NOS1AP: variants seen among roughly 807,000 people sequenced by gnomAD.
NOS1AP encodes nitric oxide synthase 1 adaptor protein.
Under a neutral mutation model 56.2 loss-of-function variants are expected in NOS1AP, and 21 were observed. That is an observed-to-expected ratio of 0.37 (90% CI 0.26 to 0.54). The LOEUF (loss-of-function observed/expected upper bound fraction) is 0.54. NOS1AP is among the 20% of genes least tolerant of loss of function. NOS1AP has a pLI of 0.84. For synonymous variants in NOS1AP, 270 were observed against 274.6 expected, an observed-to-expected ratio of 0.98 and a Z score of 0.17; for missense variants, 522 against 657.8, an observed-to-expected ratio of 0.79 and a Z score of 2.26.
chr1:162,133,346 A>C (rs570686374), intron 1 of NOS1AP, among the ~76,000 whole-genome samples: 1 of 152,216 alleles, frequency 6.6e-6, no homozygotes, highest in East Asian at 1.9e-4. Flanking sequence ...TGTCTTATCT[A>C]TTGATTCTTG....
At chr1:162,324,395 G>C (rs553099144) in intron 4 of NOS1AP, among the ~76,000 whole-genome samples, 3 of 136,528 alleles carry the variant, frequency 2.2e-5, no homozygotes, top group African/African-American at 8.1e-5. Flanking sequence ...TTTGTGTAGT[G>C]GTTTTGTGAG....
chr1:162,134,347 G>A (rs1648887256), intron 1 of NOS1AP, among the ~76,000 whole-genome samples: 1 of 151,832 alleles, frequency 6.6e-6, no homozygotes, highest in Non-Finnish European at 1.5e-5. Flanking sequence ...AAAAATTCCA[G>A]GTTTGGAGGT....
At chr1:162,147,808 A>G (rs1649544014) in intron 1 of NOS1AP, among the ~76,000 whole-genome samples, 1 of 152,132 alleles carries the variant, frequency 6.6e-6, no homozygotes, top group Admixed American at 6.5e-5. Context: ...TTCTTTCTAG[A>G]TGTTAATGAA....
intron 2 of NOS1AP, among the ~76,000 whole-genome samples, chr1:162,252,841 T>G (rs566491510): frequency 6.6e-6 from 1 of 152,326 alleles, no homozygotes; most frequent in African/African-American, 2.4e-5. Flanking sequence ...TGGTTGCACT[T>G]GCCCCATTTC....
intron 2 of NOS1AP, among the ~76,000 whole-genome samples, chr1:162,213,708 T>C (rs1652448598): frequency 6.6e-6 from 1 of 152,250 alleles, no homozygotes; most frequent in Non-Finnish European, 1.5e-5. Context: ...TTCCCTGGCA[T>C]GTGCCTGTGC....
At chr1:162,192,099 T>C (rs1287973128) in intron 2 of NOS1AP, among the ~76,000 whole-genome samples, 1 of 152,128 alleles carries the variant, frequency 6.6e-6, no homozygotes, top group Non-Finnish European at 1.5e-5. Flanking sequence ...AGTGTCAGGC[T>C]CACCTGGGAA....
chr1:162,095,478 A>G (rs922337524), intron 1 of NOS1AP, among the ~76,000 whole-genome samples: 3 of 152,262 alleles, frequency 2.0e-5, no homozygotes, highest in African/African-American at 7.2e-5. Flanking sequence ...TTTTTGTTAT[A>G]GCAACCCCAA....
chr1:162,205,303 A>G (rs568101732), intron 2 of NOS1AP, among the ~76,000 whole-genome samples: 1 of 152,382 alleles, frequency 6.6e-6, no homozygotes, highest in East Asian at 1.9e-4. Flanking sequence ...TTACTTTAAA[A>G]GTGTTTAAGA....
intron 1 of NOS1AP, among the ~76,000 whole-genome samples, chr1:162,078,996 A>G (rs1435208765): frequency 2.0e-5 from 3 of 152,134 alleles, no homozygotes. Context: ...CACATAGAAA[A>G]TGTATTTTGA....
intron 2 of NOS1AP, among the ~76,000 whole-genome samples, chr1:162,221,220 T>C (rs1652757088): frequency 6.6e-6 from 1 of 152,216 alleles, no homozygotes; most frequent in African/African-American, 2.4e-5. Context: ...ATTAAAGGCG[T>C]GAGCCACCGC....
chr1:162,144,698 G>A (rs1257412188), intron 1 of NOS1AP, among the ~76,000 whole-genome samples: 1 of 152,180 alleles, frequency 6.6e-6, no homozygotes, highest in Non-Finnish European at 1.5e-5. Flanking sequence ...ACCTGCCTCT[G>A]TGACACGAGC....
At chr1:162,283,573 A>G (rs1655000293) in intron 2 of NOS1AP, among the ~76,000 whole-genome samples, 1 of 152,154 alleles carries the variant, frequency 6.6e-6, no homozygotes. Flanking sequence ...CATGTCTTCC[A>G]TTGAGTGTTC....
intron 2 of NOS1AP, 136 bp downstream of exon 2, chr1:162,154,612 T>C (rs1649856248): frequency 2.9e-6 from 2 of 682,512 alleles, no homozygotes; most frequent in East Asian, 5.4e-5. Flanking sequence ...CTGTACCCTC[T>C]AGGTAGCTGT....
intron 1 of NOS1AP, among the ~76,000 whole-genome samples, chr1:162,144,477 A>T (rs540329930): frequency 6.6e-6 from 1 of 152,330 alleles, no homozygotes; most frequent in Admixed American, 6.5e-5. Flanking sequence ...TTGTTCACCT[A>T]TCCATTCCTG....
At chr1:162,352,008 C>T (rs1394171240) in intron 6 of NOS1AP, among the ~76,000 whole-genome samples, 2 of 152,112 alleles carry the variant, frequency 1.3e-5, no homozygotes, top group African/African-American at 4.8e-5. Context: ...CTCCTTCCCT[C>T]TTGACTCTGC....
intron 2 of NOS1AP, among the ~76,000 whole-genome samples, chr1:162,237,508 C>T (rs1342104931): frequency 6.6e-6 from 1 of 152,160 alleles, no homozygotes; most frequent in Non-Finnish European, 1.5e-5. Context: ...GAAATGATCC[C>T]CTTTTCAGCT....
chr1:162,306,419 T>C (rs909638697), intron 4 of NOS1AP, among the ~76,000 whole-genome samples: 1 of 152,174 alleles, frequency 6.6e-6, no homozygotes, highest in African/African-American at 2.4e-5. Flanking sequence ...TCTCCCAGAA[T>C]AGCTGGAGCT....
intron 4 of NOS1AP, among the ~76,000 whole-genome samples, chr1:162,309,294 CAAG>C (rs924311726): frequency 6.6e-6 from 1 of 151,192 alleles, no homozygotes; most frequent in African/African-American, 2.4e-5. Flanking sequence ...GCAAGGTAAA[CAAG>C]AAATCAGTTC....
intron 2 of NOS1AP, among the ~76,000 whole-genome samples, chr1:162,275,405 T>C (rs1193383651): frequency 1.3e-5 from 2 of 152,230 alleles, no homozygotes; most frequent in Non-Finnish European, 2.9e-5. Context: ...CTTGAACTCC[T>C]GACCTCAGGT....
Sources: allele counts gnomAD v4.1 joint callset (sites outside exome capture counted in the v4.1 genomes callset), GRCh38; gene constraint gnomAD v4.1.1; transcripts MANE v1.5; gene names NCBI Gene and HGNC (gene_info 2026-07-23, HGNC 2026-07-21).